GRM2: variants seen among roughly 807,000 people sequenced by gnomAD.
GRM2 encodes metabotropic glutamate receptor 2.
A neutral mutation model predicts 60.4 loss-of-function variants in GRM2; 35 were observed. The ratio of observed to expected loss-of-function variants is 0.58; its 90% CI spans 0.44 to 0.77. The LOEUF (loss-of-function observed/expected upper bound fraction) is 0.77. Ranked by LOEUF, GRM2 falls within the 30% of genes least tolerant of loss-of-function variation. The probability of loss-of-function intolerance (pLI) is 0.00; values close to 1 mark genes in which losing one functional copy is unlikely to be tolerated. For synonymous variants in GRM2, 437 were observed against 484.1 expected (o/e 0.90, Z 1.28); for missense variants, 925 against 1,199.5 (o/e 0.77, Z 3.38).
chr3:51,716,026 G>A lies in GRM2; in HGVS notation c.2253G>A (p.Lys751=). ...LCTLYAFKTR[K]CPENFNEAKF... Reference sequence around the variant, plus strand: ...CGCTTTATGCCTTCAAGACTCGCAAGTGCCCCGAAAACTTCAACGAGGCCA... The same window carrying A: ...CGCTTTATGCCTTCAAGACTCGCAAATGCCCCGAAAACTTCAACGAGGCCA... The change falls in exon 4 of 6, where the codon AAG becomes AAA. Residue 751 remains lysine (K), a synonymous_variant. Transcript: ENST00000395052. The surrounding 1 kb of genome is among the most constrained non-coding windows in gnomAD (Gnocchi z 4.0). 1.9e-6 allele frequency: 3 copies of A among 1,614,222 alleles called. No homozygotes were observed. Among genetic ancestry groups the A allele is most frequent in the East Asian group, 2.2e-5 (1 of 44,888 alleles).
Position 51,712,702 on chromosome 3 carries a change from A to T in GRM2, c.680A>T (p.Glu227Val). 5 of 1,613,884 alleles carry T rather than the reference A, an allele frequency of 3.1e-6. No individual in the cohort carries two copies. In the South Asian group the frequency reaches 5.5e-5, roughly 18 times the overall value. Residue 227 changes from glutamate to valine, a missense_variant, in exon 3 of 6, where the codon GAG becomes GTG. Transcript: ENST00000395052. This position sits in a 1 kb window ranked among gnomAD's most constrained non-coding sequence, Gnocchi z 5.3. ...GETGIEAFEL[E>V]ARARNICVAT... ...ACAGGCATTGAGGCCTTTGAGCTAG[A>T]GGCTCGTGCCCGCAACATCTGTGTG...
At chr3:51,708,626 A>G (rs1703584618) in intron 1 of GRM2, 1 of 200,392 alleles carries the variant, frequency 5.0e-6, no homozygotes. Flanking sequence ...TGAGTTTGGT[A>G]GGGGAATATG....
rs1362884990 is a variant in GRM2, at chr3:51,715,899, C to T, written c.2126C>T (p.Thr709Ile). The change falls in exon 4 of 6, where the codon ACA becomes ATA. Residue 709 changes from threonine to isoleucine, a missense_variant. Coordinates refer to ENST00000395052, the MANE Select transcript of GRM2 (RefSeq NM_000839.5). The surrounding 1 kb of genome is among the most constrained non-coding windows in gnomAD (Gnocchi z 9.0). ...VVEAPGTGKE[T>I]APERREVVTL... is the part of the protein sequence containing the mutation. ...GAGGCACCGGGCACAGGCAAGGAGACAGCCCCCGAACGGCGGGAGGTGGTG... is the reference window on the plus strand; with the variant it reads ...GAGGCACCGGGCACAGGCAAGGAGATAGCCCCCGAACGGCGGGAGGTGGTG... 3.1e-6 allele frequency: 5 copies of T among 1,613,302 alleles called. No homozygotes were observed. Among genetic ancestry groups the T allele is most frequent in the Admixed American group, 1.7e-5 (1 of 60,004 alleles).
Position 51,717,119 on chromosome 3 carries a change from T to TGC in GRM2, c.2365-517_2365-516dup, listed in dbSNP as rs984010751. ...GACACACACCGTACCCACACATGCA[T>TGC]GCACACACACACACACACTTGTACA... On this transcript the variant is annotated intron_variant, in intron 4 of 5. Transcript: ENST00000395052. This position sits in a 1 kb window ranked among gnomAD's most constrained non-coding sequence, Gnocchi z 6.0. Among the ~76,000 whole-genome samples the TGC allele has an allele frequency of 2.8e-4, 14 of 50,024 alleles. No homozygotes were observed. Among genetic ancestry groups the TGC allele is most frequent in the Admixed American group, 9.0e-4 (4 of 4,444 alleles). 32.8% of individuals were successfully genotyped at this position (50,024 alleles called of 152,430 possible).
Position 51,716,214 on chromosome 3 carries a change from G to A in GRM2, c.2364+77G>A, listed in dbSNP as rs1028106968. On this transcript the variant is annotated intron_variant, in intron 4 of 5. Coordinates refer to ENST00000395052, the MANE Select transcript of GRM2 (RefSeq NM_000839.5). The surrounding 1 kb of genome is among the most constrained non-coding windows in gnomAD (Gnocchi z 4.0). ...TTCCTGGTATCTTATTTAATCTACT[G>A]GTAGCTCTGGGGTTCCAAGAGGATA... 3 of 963,340 alleles carry A rather than the reference G, an allele frequency of 3.1e-6. No homozygotes were observed. The highest frequency in any genetic ancestry group is 3.2e-5 in the African/African-American group (2 of 62,134). The allele number at this position is 963,340 out of a possible 1,614,324, so 59.7% of individuals were successfully genotyped here.
At chr3:51,711,031 C>G (rs1262196236) in intron 2 of GRM2, among the ~76,000 whole-genome samples, 2 of 152,256 alleles carry the variant, frequency 1.3e-5, no homozygotes, top group Non-Finnish European at 2.9e-5. Context: ...TGTCCTAGAA[C>G]AGTTGTTCAG....
chr3:51,716,191 C>T lies in GRM2; in HGVS notation c.2364+54C>T. 8.4e-7 allele frequency: 1 copy of T among 1,186,026 alleles called. No homozygotes were observed. Among genetic ancestry groups the T allele is most frequent in the Non-Finnish European group, 1.2e-6 (1 of 803,700 alleles). The allele number at this position is 1,186,026 out of a possible 1,614,324, so 73.5% of individuals were successfully genotyped here. A position where few individuals can be genotyped will look rare whatever the true frequency, so the allele number is the denominator to read the frequency against. On this transcript the variant is annotated intron_variant, in intron 4 of 5. Transcript: ENST00000395052. This position sits in a 1 kb window ranked among gnomAD's most constrained non-coding sequence, Gnocchi z 4.0. ...AGATGGGACACCAGACCCTCTGTTTCCTGGTATCTTATTTAATCTACTGGT... is the reference window on the plus strand; with the variant it reads ...AGATGGGACACCAGACCCTCTGTTTTCTGGTATCTTATTTAATCTACTGGT...
At position 51,716,566 on chromosome 3, in the gene GRM2, G is replaced by A. The variant is rs1017789613; in HGVS notation, c.2364+429G>A. On this transcript the variant is annotated intron_variant, in intron 4 of 5. Transcript: ENST00000395052. This position sits in a 1 kb window ranked among gnomAD's most constrained non-coding sequence, Gnocchi z 4.0. ...AGAAAAGCTAAAGCAGGTGAAAATT[G>A]TTCCCCAGTTGGTGGCTTCTGAGCA... 1.2e-4 allele frequency among the ~76,000 whole-genome samples: 18 copies of A among 152,182 alleles called. No individual in the cohort carries two copies. The highest frequency in any genetic ancestry group is 1.1e-3 in the Admixed American group (17 of 15,290).
chr3:51,717,790 G>T lies in GRM2; in HGVS notation c.2518G>T (p.Ala840Ser). 3.7e-6 allele frequency: 6 copies of T among 1,614,030 alleles called. No individual in the cohort carries two copies. Among genetic ancestry groups the T allele is most frequent in the Non-Finnish European group, 5.1e-6 (6 of 1,180,004 alleles). ...CACCAGCCGCTTTGGCAGTGCTGCTGCCAGGGCCAGCTCCAGCCTTGGCCA... is the reference window on the plus strand; with the variant it reads ...CACCAGCCGCTTTGGCAGTGCTGCTTCCAGGGCCAGCTCCAGCCTTGGCCA... ...APTSRFGSAA[A>S]RASSSLGQGS... The change falls in exon 5 of 6, where the codon GCC becomes TCC. Residue 840 changes from alanine (A) to serine (S), a missense_variant. By Grantham distance (99) the Ala-to-Ser change is moderately conservative. Coordinates refer to ENST00000395052, the MANE Select transcript of GRM2 (RefSeq NM_000839.5). This position sits in a 1 kb window ranked among gnomAD's most constrained non-coding sequence, Gnocchi z 6.0.
At chr3:51,710,552 G>C (rs938316075) in intron 2 of GRM2, among the ~76,000 whole-genome samples, 3 of 152,136 alleles carry the variant, frequency 2.0e-5, no homozygotes, top group Admixed American at 2.0e-4. Flanking sequence ...GATTGGAGAG[G>C]GGTGGCCAGA....
At chr3:51,711,208 G>A (rs559119487) in intron 2 of GRM2, 18 of 152,430 alleles carry the variant, frequency 1.2e-4, no homozygotes, top group African/African-American at 4.1e-4. Context: ...AGTCACTGGA[G>A]GTGGCTAGGC....
At chr3:51,714,680 C>A in intron 3 of GRM2, 1 of 179,518 alleles carries the variant, frequency 5.6e-6, no homozygotes. Flanking sequence ...GGGGAGAGGG[C>A]TGTAGTGTAT....
rs1166418690 is a variant in GRM2, at chr3:51,713,121, C to T, written c.1099C>T (p.Leu367Phe). 1 of 1,613,150 alleles carries T rather than the reference C, an allele frequency of 6.2e-7. No homozygotes were observed. Reference sequence around the variant, plus strand: ...GCAGCGAGACTGCGCAGCCCACTCTCTCCGGGCTGTGCCCTTTGAGCAGGA... The same window carrying T: ...GCAGCGAGACTGCGCAGCCCACTCTTTCCGGGCTGTGCCCTTTGAGCAGGA... ...FRQRDCAAHS[L>F]RAVPFEQESK... is the part of the protein sequence containing the mutation. The change falls in exon 3 of 6, where the codon CTC becomes TTC. Residue 367 changes from leucine (L) to phenylalanine (F), a missense_variant. Leu to Phe is a conservative substitution (Grantham distance 22, BLOSUM62 0). Coordinates refer to ENST00000395052, the MANE Select transcript of GRM2 (RefSeq NM_000839.5). The surrounding 1 kb of genome is among the most constrained non-coding windows in gnomAD (Gnocchi z 4.8).
In GRM2 at chr3:51,712,025, CCTT is replaced by C. The variant is rs1703728346; in HGVS notation, c.451-444_451-442del. 6.6e-6 allele frequency among the ~76,000 whole-genome samples: 1 copy of C among 152,206 alleles called. No individual in the cohort carries two copies. Among genetic ancestry groups the C allele is most frequent in the Admixed American group, 6.5e-5 (1 of 15,280 alleles). ...GTCTTTCTTCCTAGGGGAAACTTTT[CCTT>C]CTTTCTGTATCATTCCATCAGATTG... On this transcript the variant is annotated intron_variant, in intron 2 of 5. Transcript: ENST00000395052. This position sits in a 1 kb window ranked among gnomAD's most constrained non-coding sequence, Gnocchi z 5.3.
In GRM2 at chr3:51,715,225, C is replaced by T; in HGVS notation, c.1452C>T (p.Leu484=). The T allele has an allele frequency of 6.2e-7, 1 of 1,613,368 alleles. No homozygotes were observed. The highest frequency in any genetic ancestry group is 8.5e-7 in the Non-Finnish European group (1 of 1,179,532). ...WAEGLTLDTS[L]IPWASPSAGP... is the part of the protein sequence containing the mutation. The stretch of plus-strand genomic sequence containing the variant: ...AAGGCTTGACTCTGGACACCAGCCT[C>T]ATCCCATGGGCCTCACCCTCAGCCG... The change falls in exon 4 of 6, where the codon CTC becomes CTT. Residue 484 remains leucine, a synonymous_variant. Coordinates refer to ENST00000395052, the MANE Select transcript of GRM2 (RefSeq NM_000839.5). This position sits in a 1 kb window ranked among gnomAD's most constrained non-coding sequence, Gnocchi z 9.0.
Position 51,717,944 on chromosome 3 carries a change from G to A in GRM2, c.2546-95G>A. On this transcript the variant is annotated intron_variant, in intron 5 of 5. Coordinates refer to ENST00000395052, the MANE Select transcript of GRM2 (RefSeq NM_000839.5). The surrounding 1 kb of genome is among the most constrained non-coding windows in gnomAD (Gnocchi z 6.0). ...CACTGGCAGGAGAGGACAGGAGAGG[G>A]GAGGGGAGGCTTCCCTCACAGCCCT... 7.0e-7 allele frequency: 1 copy of A among 1,433,796 alleles called. No individual in the cohort carries two copies. The allele number at this position is 1,433,796 out of a possible 1,614,324, so 88.8% of individuals were successfully genotyped here. A position where few individuals can be genotyped will look rare whatever the true frequency, so the allele number is the denominator to read the frequency against.
At chr3:51,708,580 G>C (rs1703583413) in intron 1 of GRM2, 3 of 174,850 alleles carry the variant, frequency 1.7e-5, no homozygotes, top group Non-Finnish European at 2.4e-5. Flanking sequence ...CCTGTCCTCT[G>C]CCTGGGACTT....
At chr3:51,714,140 A>G (rs562533159) in intron 3 of GRM2, 1 of 331,014 alleles carries the variant, frequency 3.0e-6, no homozygotes, top group East Asian at 8.5e-5. Context: ...AATAGAACTG[A>G]CATTCAGAGT....
Position 51,715,408 on chromosome 3 carries a change from G to GC in GRM2, c.1638dup (p.Asn547GlnfsTer240). 6.2e-7 allele frequency: 1 copy of GC among 1,613,420 alleles called. No individual in the cohort carries two copies. Among genetic ancestry groups the GC allele is most frequent in the Non-Finnish European group, 8.5e-7 (1 of 1,179,998 alleles). On this transcript the variant is annotated frameshift_variant, in exon 4 of 6. Coordinates refer to ENST00000395052, the MANE Select transcript of GRM2 (RefSeq NM_000839.5). LOFTEE classifies it high-confidence loss of function. The surrounding 1 kb of genome is among the most constrained non-coding windows in gnomAD (Gnocchi z 9.0). ...GCGCTGATTGTGGCCTGGGCTACTGGCCCAATGCCAGCCTGACTGGCTGCT... is the reference window on the plus strand; with the variant it reads ...GCGCTGATTGTGGCCTGGGCTACTGGCCCCAATGCCAGCCTGACTGGCTGCT...
Sources: gnomAD v4.1 joint callset for allele counts (sites outside exome capture counted in the v4.1 genomes callset) on GRCh38, gnomAD v4.1.1 for gene constraint, Gnocchi (gnomAD v3.1) non-coding constraint, MANE v1.5 for transcripts, NCBI Gene and HGNC (gene_info 2026-07-23, HGNC 2026-07-21) for gene names.